Variants in TAF13 observed in about 807,000 individuals in gnomAD.
TAF13 encodes the protein TATA-box binding protein associated factor 13, also known as transcription initiation factor TFIID subunit 13.
Under a neutral mutation model 18.7 loss-of-function variants are expected in TAF13, and 9 were observed. The ratio of observed to expected loss-of-function variants is 0.48; its 90% CI spans 0.29 to 0.84. The LOEUF (loss-of-function observed/expected upper bound fraction) is 0.84, where lower values mean the gene tolerates loss of function less well. Ranked by LOEUF, TAF13 falls within the 40% of genes least tolerant of loss-of-function variation. The pLI is 0.08. For missense variants in TAF13, 105 were observed against 146.5 expected (o/e 0.72, Z 1.46); for synonymous variants, 49 against 44.1 (o/e 1.11, Z -0.44).
intron 2 of TAF13, among the ~76,000 whole-genome samples, chr1:109,067,782 C>A (rs1012984623): frequency 6.6e-6 from 1 of 152,132 alleles, no homozygotes; most frequent in African/African-American, 2.4e-5. Context: ...CACAATGATC[C>A]TTTAAGGTAG....
chr1:109,071,268 C>T (rs1172631788), intron 2 of TAF13, among the ~76,000 whole-genome samples: 4 of 151,782 alleles, frequency 2.6e-5, no homozygotes, highest in Non-Finnish European at 4.4e-5. Context: ...TGGTGAAACC[C>T]GTTTCTACTA....
intron 2 of TAF13, among the ~76,000 whole-genome samples, chr1:109,072,083 C>CAT (rs1198567507): frequency 6.9e-3 from 35 of 5,066 alleles, no homozygotes; most frequent in African/African-American, 0.021. Flanking sequence ...TATACACACA[C>CAT]ATATATATAT....
chr1:109,075,110 G>A (rs755099499), intron 1 of TAF13, 45 bp from the exon 2 acceptor site: 5 of 1,459,450 alleles, frequency 3.4e-6, no homozygotes, highest in Non-Finnish European at 4.7e-6. Flanking sequence ...TAATTGCCTT[G>A]CATTTGATAT....
chr1:109,066,021 C>A, intron 3 of TAF13, 114 bp downstream of exon 3: 1 of 784,414 alleles, frequency 1.3e-6, no homozygotes. Flanking sequence ...TGCAAACAAG[C>A]ACTCAAATGG....
Position 109,064,574 on chromosome 1 carries a change from T to C in TAF13, c.324A>G (p.Glu108=), listed in dbSNP as rs1663919418. 2.5e-6 allele frequency: 4 copies of C among 1,569,300 alleles called. No homozygotes were observed. Among genetic ancestry groups the C allele is most frequent in the Non-Finnish European group, 3.4e-6 (4 of 1,159,988 alleles). ...ATGCTTTTCTAGCTCGTTTCAATTC[T>C]TCATTCATAGTAAGCAAGTCTTTAA... ...ARVKDLLTMN[E]ELKRARKAFD... is the part of the protein sequence containing the mutation. Residue 108 remains glutamate, a synonymous_variant, in exon 4 of 4, where the codon GAA becomes GAG. Coordinates refer to ENST00000338366, the MANE Select transcript of TAF13 (RefSeq NM_005645.4).
intron 2 of TAF13, among the ~76,000 whole-genome samples, chr1:109,073,436 G>A (rs375565663): frequency 3.0e-4 from 45 of 152,096 alleles, no homozygotes; most frequent in African/African-American, 1.0e-3. Context: ...GCTTTCCACC[G>A]TCTCCCTCTG....
chr1:109,067,026 T>C, intron 2 of TAF13, among the ~76,000 whole-genome samples: 1 of 151,576 alleles, frequency 6.6e-6, no homozygotes, highest in East Asian at 2.0e-4. Context: ...GCCCCAAATC[T>C]GTTCTTATAG....
At chr1:109,068,198 C>T (rs1042166629) in intron 2 of TAF13, among the ~76,000 whole-genome samples, 8 of 152,174 alleles carry the variant, frequency 5.3e-5, no homozygotes, top group Admixed American at 2.0e-4. Context: ...TGCAATGGCA[C>T]GATCTCAACT....
At chr1:109,066,277 A>C in intron 2 of TAF13, 45 bp from the exon 3 acceptor site, 1 of 1,477,692 alleles carries the variant, frequency 6.8e-7, no homozygotes, top group Non-Finnish European at 9.2e-7. Context: ...TTACAGATTT[A>C]ACAATTTGAT....
chr1:109,064,434 T>A lies in TAF13; in HGVS notation c.*89A>T. On this transcript the variant is annotated 3_prime_UTR_variant, in exon 4 of 4. Coordinates refer to ENST00000338366, the MANE Select transcript of TAF13 (RefSeq NM_005645.4). ...TGTGTTTCTCCATCTTTCATTTACA[T>A]GGCTAGATATCAGAATCTTACTTTA... The A allele has an allele frequency of 8.5e-7, 1 of 1,174,876 alleles. No homozygotes were observed. Among genetic ancestry groups the A allele is most frequent in the Non-Finnish European group, 1.1e-6 (1 of 895,756 alleles). The allele number at this position is 1,174,876 out of a possible 1,614,324, so 72.8% of individuals were successfully genotyped here.
At chr1:109,066,085 T>C (rs1394442626) in intron 3 of TAF13, 50 bp downstream of exon 3, 2 of 1,499,646 alleles carry the variant, frequency 1.3e-6, no homozygotes, top group African/African-American at 2.8e-5. Flanking sequence ...AAGTTTAATA[T>C]TTCAAATCTA....
intron 2 of TAF13, among the ~76,000 whole-genome samples, chr1:109,073,939 G>A (rs990957280): frequency 1.3e-5 from 2 of 151,588 alleles, no homozygotes; most frequent in African/African-American, 2.4e-5. Context: ...CTGCCCGGCC[G>A]CCACCCCGTC....
chr1:109,070,717 G>T (rs1664035436), intron 2 of TAF13, among the ~76,000 whole-genome samples: 2 of 151,964 alleles, frequency 1.3e-5, no homozygotes, highest in Admixed American at 1.3e-4. Flanking sequence ...TTTTTTAAAG[G>T]TTCAGGAGAA....
intron 2 of TAF13, among the ~76,000 whole-genome samples, chr1:109,070,161 T>C (rs1265131635): frequency 6.6e-6 from 1 of 152,210 alleles, no homozygotes; most frequent in Non-Finnish European, 1.5e-5. Flanking sequence ...GCCTCCTTAG[T>C]TCCCTCGAAT....
intron 2 of TAF13, among the ~76,000 whole-genome samples, chr1:109,074,670 C>T (rs947508811): frequency 2.6e-5 from 4 of 152,140 alleles, no homozygotes; most frequent in Admixed American, 6.5e-5. Context: ...GTCCCAGCTA[C>T]TCAGGAGGCT....
chr1:109,066,688 C>T (rs1467442616), intron 2 of TAF13, among the ~76,000 whole-genome samples: 1 of 152,042 alleles, frequency 6.6e-6, no homozygotes, highest in Non-Finnish European at 1.5e-5. Context: ...ACATGAGAGA[C>T]AGTTCTCCAA....
intron 2 of TAF13, among the ~76,000 whole-genome samples, 184 bp downstream of exon 2, chr1:109,074,803 T>TAC (rs985540348): frequency 1.3e-4 from 20 of 150,976 alleles, no homozygotes; most frequent in African/African-American, 3.4e-4. Context: ...AAGCAATTTA[T>TAC]ACACACACAC....
At chr1:109,074,010 C>G (rs1324496686) in intron 2 of TAF13, among the ~76,000 whole-genome samples, 8 of 152,036 alleles carry the variant, frequency 5.3e-5, no homozygotes, top group Non-Finnish European at 2.9e-5. Context: ...GGAGCGCCTC[C>G]GCCAGGCCGC....
In TAF13 at chr1:109,066,173, T is replaced by C. The variant is rs143718592; in HGVS notation, c.166A>G (p.Ile56Val). 1.0e-4 allele frequency: 167 copies of C among 1,613,022 alleles called. No homozygotes were observed. The highest frequency in any genetic ancestry group is 1.4e-4 in the Non-Finnish European group (160 of 1,179,754). ...DQNPYTESVD[I>V]LEDLVIEFIT... is the part of the protein sequence containing the mutation. ...AACTCTATGACAAGATCTTCAAGAA[T>C]ATCCACTGACTCAGTATAAGGATTC... is the stretch of plus-strand genomic sequence containing the variant. The change falls in exon 3 of 4, where the codon ATT (isoleucine) becomes GTT (valine). Residue 56 changes from isoleucine to valine, a missense_variant. By Grantham distance (29) the Ile-to-Val change is conservative. Coordinates refer to ENST00000338366, the MANE Select transcript of TAF13 (RefSeq NM_005645.4).
Sources: allele counts gnomAD v4.1 joint callset (sites outside exome capture counted in the v4.1 genomes callset), GRCh38; gene constraint gnomAD v4.1.1; transcripts MANE v1.5; gene names NCBI Gene and HGNC (gene_info 2026-07-23, HGNC 2026-07-21).